FKBP5: variants seen among roughly 807,000 people sequenced by gnomAD.
The protein encoded by FKBP5 is FKBP prolyl isomerase 5, also known as peptidyl-prolyl cis-trans isomerase FKBP5.
A neutral mutation model predicts 50.5 loss-of-function variants in FKBP5; 23 were observed. The observed-to-expected ratio is 0.46, with a 90% CI of 0.33 to 0.65. The LOEUF (loss-of-function observed/expected upper bound fraction) is 0.65. Ranked by LOEUF, FKBP5 falls within the 30% of genes least tolerant of loss-of-function variation. The pLI is 0.02. For missense variants in FKBP5, 411 were observed against 553.1 expected (o/e 0.74, Z 2.58); for synonymous variants, 176 against 190.6 (o/e 0.92, Z 0.63).
At chr6:35,588,927 A>G (rs1165276009) in intron 7 of FKBP5, among the ~76,000 whole-genome samples, 2 of 150,742 alleles carry the variant, frequency 1.3e-5, no homozygotes, top group East Asian at 1.9e-4. Flanking sequence ...TTTTTTGCAG[A>G]GAGGGGGGTC....
intron 2 of FKBP5, among the ~76,000 whole-genome samples, chr6:35,639,070 T>C (rs1764405106): frequency 6.6e-6 from 1 of 152,242 alleles, no homozygotes. Context: ...TAGGTTCTAT[T>C]CATTTTTAAA....
chr6:35,644,289 C>A (rs563414254), intron 1 of FKBP5, among the ~76,000 whole-genome samples: 208 of 152,316 alleles, frequency 1.4e-3, no homozygotes, highest in African/African-American at 4.4e-3. Flanking sequence ...GGAATCACTC[C>A]TACAGCTATT....
intron 3 of FKBP5, 93 bp from the exon 4 acceptor site, chr6:35,620,367 T>C: frequency 7.7e-7 from 1 of 1,293,880 alleles, no homozygotes; most frequent in South Asian, 1.4e-5. Context: ...CAGTTTTTCA[T>C]ACTACATACT....
intron 2 of FKBP5, among the ~76,000 whole-genome samples, chr6:35,719,044 C>G (rs937710929): frequency 6.6e-6 from 1 of 152,168 alleles, no homozygotes; most frequent in Non-Finnish European, 1.5e-5. Context: ...CCCCTTGCCC[C>G]CTCCCAACTC....
intron 5 of FKBP5, among the ~76,000 whole-genome samples, chr6:35,605,966 T>C (rs951089861): frequency 9.8e-5 from 15 of 152,318 alleles, no homozygotes; most frequent in African/African-American, 3.4e-4. Flanking sequence ...ATATAAATCC[T>C]AGAAGAAAAG....
intron 2 of FKBP5, among the ~76,000 whole-genome samples, chr6:35,702,858 T>A (rs985647078): frequency 5.3e-5 from 8 of 151,942 alleles, no homozygotes; most frequent in Middle Eastern, 3.4e-3. Flanking sequence ...ACATAGAAAA[T>A]CTCTGTGACT....
intron 1 of FKBP5, among the ~76,000 whole-genome samples, chr6:35,649,471 TG>T (rs1764728214): frequency 6.6e-6 from 1 of 151,648 alleles, no homozygotes; most frequent in Non-Finnish European, 1.5e-5. Context: ...CTCGACCTTC[TG>T]GGAGGTGGCA....
chr6:35,588,295 G>C (rs186210676), intron 7 of FKBP5, among the ~76,000 whole-genome samples: 1 of 152,054 alleles, frequency 6.6e-6, no homozygotes, highest in East Asian at 1.9e-4. Flanking sequence ...GATTACAGGC[G>C]TGAGCTACCG....
At chr6:35,583,205 T>C in intron 8 of FKBP5, 2 of 985,472 alleles carry the variant, frequency 2.0e-6, no homozygotes, top group South Asian at 9.4e-5. Flanking sequence ...ATTTCCCCTG[T>C]CATGCCTCAT....
At chr6:35,717,392 ATGTATGTGTGAGTG>A (rs1418258844) in intron 2 of FKBP5, among the ~76,000 whole-genome samples, 6 of 152,152 alleles carry the variant, frequency 3.9e-5, no homozygotes, top group Non-Finnish European at 5.9e-5. Flanking sequence ...CCATGTATTC[ATGTATGTGTGAGTG>A]TGTGCTCCAT....
At chr6:35,651,056 C>CT in intron 1 of FKBP5, among the ~76,000 whole-genome samples, 1 of 152,168 alleles carries the variant, frequency 6.6e-6, no homozygotes, top group East Asian at 1.9e-4. Flanking sequence ...TCAAGATGTA[C>CT]TATTAAGTGA....
chr6:35,642,657 G>A (rs1175315984), intron 2 of FKBP5, 63 bp downstream of exon 2: 4 of 1,282,870 alleles, frequency 3.1e-6, no homozygotes, highest in East Asian at 4.7e-5. Flanking sequence ...CCCTCAGAAA[G>A]AGATGCTATA....
chr6:35,576,489 A>G (rs955967290), intron 10 of FKBP5, among the ~76,000 whole-genome samples: 4 of 152,100 alleles, frequency 2.6e-5, no homozygotes, highest in African/African-American at 9.7e-5. Flanking sequence ...CTAGACAACA[A>G]AGTGAAACCC....
intron 1 of FKBP5, among the ~76,000 whole-genome samples, chr6:35,669,717 A>G (rs998699350): frequency 1.1e-4 from 17 of 152,250 alleles, no homozygotes; most frequent in African/African-American, 3.1e-4. Flanking sequence ...AAGAAATTCA[A>G]TAATTTTCAA....
chr6:35,590,888 T>TAAAAA (rs199896008), intron 7 of FKBP5, among the ~76,000 whole-genome samples: 181 of 131,156 alleles, frequency 1.4e-3, no homozygotes, highest in African/African-American at 4.5e-3. Context: ...CCAAAAAAGT[T>TAAAAA]AAAAAAAAAA....
chr6:35,605,383 C>CTT (rs1158530509), intron 5 of FKBP5, among the ~76,000 whole-genome samples: 5,972 of 52,276 alleles, frequency 0.11, 1,610 homozygotes, highest in East Asian at 0.26. Context: ...ATGACAATAT[C>CTT]TTTTTTTTTT....
At chr6:35,688,044 T>C (rs1207194665) in intron 1 of FKBP5, among the ~76,000 whole-genome samples, 1 of 152,246 alleles carries the variant, frequency 6.6e-6, no homozygotes, top group Non-Finnish European at 1.5e-5. Context: ...TAAGGAGCCC[T>C]GGCACAGCGT....
At chr6:35,581,304 G>C in intron 8 of FKBP5, 1 of 426,216 alleles carries the variant, frequency 2.3e-6, no homozygotes, top group Non-Finnish European at 3.1e-6. Flanking sequence ...ATATATACAT[G>C]CTCATATGAG....
intron 3 of FKBP5, among the ~76,000 whole-genome samples, chr6:35,624,651 T>TA (rs1763942636): frequency 6.6e-6 from 1 of 152,148 alleles, no homozygotes. Context: ...GCCCACGTCC[T>TA]AATAAGATTT....
Sources: gnomAD v4.1 joint callset for allele counts (sites outside exome capture counted in the v4.1 genomes callset) on GRCh38, gnomAD v4.1.1 for gene constraint, MANE v1.5 for transcripts, NCBI Gene and HGNC (gene_info 2026-07-23, HGNC 2026-07-21) for gene names.